AOPEP: variants seen among roughly 807,000 people sequenced by gnomAD.
AOPEP encodes the protein aminopeptidase O (putative).
Under a neutral mutation model 98.1 loss-of-function variants are expected in AOPEP, and 77 were observed. The ratio of observed to expected loss-of-function variants is 0.78; its 90% confidence interval spans 0.65 to 0.95. The LOEUF (loss-of-function observed/expected upper bound fraction) is 0.95, where lower values mean the gene tolerates loss of function less well. Ranked by LOEUF, AOPEP falls within the 40% of genes least tolerant of loss-of-function variation. The pLI is 0.00. For missense variants in AOPEP, 1,024 were observed against 1,024.7 expected (o/e 1.00, Z 0.01); for synonymous variants, 346 against 365.3 (o/e 0.95, Z 0.60).
chr9:95,015,944 C>T (rs924816678), intron 13 of AOPEP, among the ~76,000 whole-genome samples: 1 of 151,974 alleles, frequency 6.6e-6, no homozygotes, highest in Non-Finnish European at 1.5e-5. Flanking sequence ...TCAAGTGATC[C>T]GCCTGCCTTG....
chr9:94,808,856 CTG>C (rs1487389158), intron 5 of AOPEP, among the ~76,000 whole-genome samples: 2 of 152,254 alleles, frequency 1.3e-5, no homozygotes, highest in African/African-American at 4.8e-5. Flanking sequence ...TTGTTGGAAA[CTG>C]TGGTTGGCAG....
At chr9:94,761,231 G>T (rs1368085859) in intron 2 of AOPEP, among the ~76,000 whole-genome samples, 2 of 152,192 alleles carry the variant, frequency 1.3e-5, no homozygotes, top group Non-Finnish European at 2.9e-5. Flanking sequence ...CTGGGTTTTC[G>T]TTCGAGGAGA....
At chr9:95,102,839 C>T in the AOPEP span, among the ~76,000 whole-genome samples, 3 of 152,200 alleles carry the variant, frequency 2.0e-5, no homozygotes, top group Admixed American at 6.5e-5. Context: ...GAGTAAACGA[C>T]GTGGTGTGGA....
At chr9:95,022,450 G>A (rs898811028) in intron 13 of AOPEP, among the ~76,000 whole-genome samples, 1 of 152,154 alleles carries the variant, frequency 6.6e-6, no homozygotes, top group Admixed American at 6.5e-5. Flanking sequence ...CGATTCTCCT[G>A]CCTCAGCCTC....
At chr9:94,757,344 A>G (rs1447647667) in intron 1 of AOPEP, among the ~76,000 whole-genome samples, 1 of 152,232 alleles carries the variant, frequency 6.6e-6, no homozygotes, top group Non-Finnish European at 1.5e-5. Flanking sequence ...GAATCCACTA[A>G]AGAGAACCAA....
the AOPEP span, among the ~76,000 whole-genome samples, chr9:95,095,901 C>CA: frequency 6.6e-6 from 1 of 152,208 alleles, no homozygotes; most frequent in African/African-American, 2.4e-5. Flanking sequence ...ATCTGCAAAC[C>CA]ACTGAGGAAC....
At chr9:94,796,861 T>A (rs1847057402) in intron 4 of AOPEP, among the ~76,000 whole-genome samples, 1 of 152,246 alleles carries the variant, frequency 6.6e-6, no homozygotes, top group Non-Finnish European at 1.5e-5. Flanking sequence ...ATCTTTGTGT[T>A]ATGTTTCTTT....
intron 9 of AOPEP, among the ~76,000 whole-genome samples, chr9:94,962,789 G>A (rs1032776864): frequency 6.9e-6 from 1 of 145,946 alleles, no homozygotes; most frequent in Admixed American, 7.0e-5. Context: ...CTGGAGTGCA[G>A]TGGCGTGATC....
chr9:94,728,979 T>A (rs1308276194), intron 1 of AOPEP, among the ~76,000 whole-genome samples: 4 of 152,170 alleles, frequency 2.6e-5, no homozygotes, highest in Non-Finnish European at 4.4e-5. Context: ...GAATAATCAC[T>A]GAGGGAAAAG....
chr9:94,967,818 G>A lies in AOPEP; in HGVS notation c.1916+17G>A. ...AGAAAAAAGGTAAGGACCAATTTAG[G>A]AATTTTGGAATTAAGAGCCCAGTTT... is the stretch of plus-strand genomic sequence containing the variant. On this transcript the variant is annotated intron_variant, in intron 10 of 16. Coordinates refer to ENST00000375315, the MANE Select transcript of AOPEP (RefSeq NM_001193329.3). 1 of 1,602,756 alleles carries A rather than the reference G, an allele frequency of 6.2e-7. No individual in the cohort carries two copies.
chr9:94,997,345 T>A (rs1398914022), intron 11 of AOPEP, among the ~76,000 whole-genome samples: 2 of 152,216 alleles, frequency 1.3e-5, no homozygotes, highest in African/African-American at 2.4e-5. Context: ...TCTGCCAAAT[T>A]GGACTTACTG....
intron 9 of AOPEP, among the ~76,000 whole-genome samples, chr9:94,956,756 T>C (rs560581240): frequency 6.6e-6 from 1 of 152,262 alleles, no homozygotes; most frequent in Admixed American, 6.5e-5. Flanking sequence ...AGAAAATAGG[T>C]GATGCATCCT....
At chr9:94,932,682 C>G (rs1481693427) in intron 7 of AOPEP, 2 of 364,408 alleles carry the variant, frequency 5.5e-6, no homozygotes, top group Non-Finnish European at 7.6e-6. Context: ...CAGGGTTTCA[C>G]CATGTTGGCC....
chr9:94,775,901 G>T (rs1032663447), intron 3 of AOPEP, among the ~76,000 whole-genome samples: 11 of 152,038 alleles, frequency 7.2e-5, no homozygotes, highest in African/African-American at 2.4e-4. Flanking sequence ...CGGGAGAATG[G>T]TGTGAATCCG....
chr9:95,082,829 T>C (rs2069997607), intron 16 of AOPEP, 110 bp downstream of exon 16: 3 of 1,273,170 alleles, frequency 2.4e-6, no homozygotes, highest in African/African-American at 1.5e-5. Flanking sequence ...GCAGCATCAA[T>C]AGTCGGCTCC....
intron 13 of AOPEP, among the ~76,000 whole-genome samples, chr9:95,052,219 A>G (rs1246747381): frequency 1.3e-5 from 2 of 152,190 alleles, no homozygotes; most frequent in Non-Finnish European, 2.9e-5. Flanking sequence ...GTTTATTTCA[A>G]TGTGATAAAC....
intron 3 of AOPEP, among the ~76,000 whole-genome samples, chr9:94,776,496 T>C (rs556687180): frequency 2.0e-5 from 3 of 152,290 alleles, no homozygotes; most frequent in African/African-American, 7.2e-5. Flanking sequence ...GAGATGGGGT[T>C]TCACTGTGTT....
chr9:94,820,202 T>C lies in AOPEP; in HGVS notation c.1364+19200T>C, dbSNP rs558017141. On this transcript the variant is annotated intron_variant, in intron 5 of 16. Coordinates refer to ENST00000375315, the MANE Select transcript of AOPEP (RefSeq NM_001193329.3). ...CTCAGGTGATCTGCCTGCCTTGGCCTCCCAAAGTGCTGGGATTACAGGTGT... is the reference window on the plus strand; with the variant it reads ...CTCAGGTGATCTGCCTGCCTTGGCCCCCCAAAGTGCTGGGATTACAGGTGT... Among the ~76,000 whole-genome samples, 7 of 152,244 alleles carry C rather than the reference T, an allele frequency of 4.6e-5. No individual in the cohort carries two copies. In the South Asian group the frequency reaches 1.4e-3, roughly 32 times the overall value.
intron 1 of AOPEP, among the ~76,000 whole-genome samples, chr9:94,745,166 T>G (rs561019094): frequency 7.2e-5 from 11 of 152,320 alleles, no homozygotes; most frequent in African/African-American, 2.6e-4. Context: ...ATACTGTATC[T>G]CAACATTGTC....
Sources: allele counts gnomAD v4.1 joint callset (sites outside exome capture counted in the v4.1 genomes callset), GRCh38; gene constraint gnomAD v4.1.1; transcripts MANE v1.5; gene names NCBI Gene and HGNC (gene_info 2026-07-23, HGNC 2026-07-21).